PACS1: variants seen among roughly 807,000 people sequenced by gnomAD.
The protein encoded by PACS1 is phosphofurin acidic cluster sorting protein 1.
PACS1 carries 24 observed loss-of-function variants against 115.0 expected under a neutral mutation model. That is an observed-to-expected ratio of 0.21 (90% CI 0.15 to 0.29). The LOEUF (loss-of-function observed/expected upper bound fraction) is 0.29. Ranked by LOEUF, PACS1 falls within the 10% of genes least tolerant of loss-of-function variation. The pLI, the probability that PACS1 is intolerant of heterozygous loss-of-function variation, is 1.00. For synonymous variants in PACS1, 453 were observed against 504.5 expected (o/e 0.90, Z 1.37); for missense variants, 838 against 1,251.2 (o/e 0.67, Z 4.98).
chr11:66,185,459 A>G (rs1408275025), intron 1 of PACS1, among the ~76,000 whole-genome samples: 2 of 152,158 alleles, frequency 1.3e-5, no homozygotes, highest in Non-Finnish European at 2.9e-5. Flanking sequence ...GACCTTCCAA[A>G]GGTGGACTGG....
At chr11:66,242,064 T>C (rs1855826776) in intron 22 of PACS1, among the ~76,000 whole-genome samples, 1 of 152,188 alleles carries the variant, frequency 6.6e-6, no homozygotes, top group African/African-American at 2.4e-5. Context: ...AGAGGCCTCA[T>C]GAGCAAAAGG....
intron 4 of PACS1, among the ~76,000 whole-genome samples, chr11:66,213,808 C>T (rs10791860): frequency 0.19 from 28,754 of 151,896 alleles, 2,837 homozygotes; most frequent in East Asian, 0.27. Context: ...CTGTGGCAGG[C>T]GGATCACGAG....
At chr11:66,077,785 C>G (rs931840471) in intron 1 of PACS1, among the ~76,000 whole-genome samples, 1 of 150,464 alleles carries the variant, frequency 6.6e-6, no homozygotes, top group Non-Finnish European at 1.5e-5. Flanking sequence ...TCACGGAAAC[C>G]TCCGCCTCCG....
chr11:66,104,323 C>T (rs1857986570), intron 1 of PACS1, among the ~76,000 whole-genome samples: 1 of 152,132 alleles, frequency 6.6e-6, no homozygotes, highest in African/African-American at 2.4e-5. Flanking sequence ...CAGTTGAGGA[C>T]AGCACGTGTG....
At chr11:66,193,454 T>C (rs779353873) in intron 1 of PACS1, 32 bp from the exon 2 acceptor site, 2 of 1,476,944 alleles carry the variant, frequency 1.4e-6, no homozygotes, top group Non-Finnish European at 1.9e-6. Flanking sequence ...GTTCCTCGCA[T>C]ATGACAGCAT....
intron 1 of PACS1, among the ~76,000 whole-genome samples, chr11:66,122,802 G>A (rs1298919977): frequency 6.6e-6 from 1 of 152,216 alleles, no homozygotes; most frequent in Non-Finnish European, 1.5e-5. Flanking sequence ...AGCAGAGAAA[G>A]TGGTTTCTTG....
intron 1 of PACS1, among the ~76,000 whole-genome samples, chr11:66,172,551 G>A (rs1486218997): frequency 6.6e-6 from 1 of 152,146 alleles, no homozygotes; most frequent in Non-Finnish European, 1.5e-5. Flanking sequence ...GCAGCCACAC[G>A]GGCAGCAGAT....
intron 1 of PACS1, among the ~76,000 whole-genome samples, chr11:66,088,145 T>C (rs2134508844): frequency 6.6e-6 from 1 of 152,152 alleles, no homozygotes; most frequent in East Asian, 1.9e-4. Context: ...TCATACTCTG[T>C]GTGTTCCTTT....
intron 1 of PACS1, among the ~76,000 whole-genome samples, chr11:66,164,219 A>G (rs1484763417): frequency 1.3e-5 from 2 of 152,154 alleles, no homozygotes; most frequent in Non-Finnish European, 2.9e-5. Context: ...GCAGCTTTCG[A>G]ACTCTACAGA....
chr11:66,135,486 G>T (rs1461484885), intron 1 of PACS1, among the ~76,000 whole-genome samples: 2 of 152,120 alleles, frequency 1.3e-5, no homozygotes, highest in Non-Finnish European at 2.9e-5. Flanking sequence ...TAGAACTCAA[G>T]ATAAATGAAA....
At chr11:66,097,300 C>G (rs188261497) in intron 1 of PACS1, among the ~76,000 whole-genome samples, 7 of 152,236 alleles carry the variant, frequency 4.6e-5, no homozygotes, top group African/African-American at 1.7e-4. Context: ...TATTCCCAGT[C>G]AGATCGTAAT....
rs1480076959 is a variant in PACS1 at position 66,070,344 on chromosome 11, C to G, written c.-143C>G. 6 of 335,298 alleles carry G rather than the reference C, an allele frequency of 1.8e-5. No individual in the cohort carries two copies. In the East Asian group the frequency reaches 4.4e-4, roughly 25 times the overall value. 20.8% of individuals were successfully genotyped at this position (335,298 alleles called of 1,614,324 possible). ...GAGGCCCGCGCGCCCAGAGGCCCCG[C>G]GCGTGCGTGCAGCTCGCTGGCTGCT... is the stretch of plus-strand genomic sequence containing the variant. On this transcript the variant is annotated 5_prime_UTR_variant, in exon 1 of 24. Transcript: ENST00000320580. This position sits in a 1 kb window ranked among gnomAD's most constrained non-coding sequence, Gnocchi z 5.9.
At position 66,232,376 on chromosome 11, in the gene PACS1, G is replaced by A. The variant is rs1855615412; in HGVS notation, c.1731+100G>A. On this transcript the variant is annotated intron_variant, in intron 14 of 23. Transcript: ENST00000320580. Reference sequence around the variant, plus strand: ...TCCATACTATTGCGTGGGGAGGTGGGGAACTCACCCCTCCATCAGCCCCCA... The same window carrying A: ...TCCATACTATTGCGTGGGGAGGTGGAGAACTCACCCCTCCATCAGCCCCCA... 7.3e-6 allele frequency: 5 copies of A among 684,262 alleles called. No individual in the cohort carries two copies. The East Asian group carries it at 1.1e-4, about 15-fold the overall frequency. The allele number at this position is 684,262 out of a possible 1,614,324, so 42.4% of individuals were successfully genotyped here.
chr11:66,211,702 A>G (rs1377214428), intron 4 of PACS1, among the ~76,000 whole-genome samples: 1 of 152,198 alleles, frequency 6.6e-6, no homozygotes, highest in Non-Finnish European at 1.5e-5. Flanking sequence ...TTTCCTTAAC[A>G]TGAGAATACT....
chr11:66,104,781 AAAGT>A (rs1857997532), intron 1 of PACS1, among the ~76,000 whole-genome samples: 2 of 152,178 alleles, frequency 1.3e-5, no homozygotes, highest in Admixed American at 1.3e-4. Flanking sequence ...ATAGCCTGAG[AAAGT>A]AAGTCTAAGA....
At chr11:66,159,059 A>T (rs1859427713) in intron 1 of PACS1, among the ~76,000 whole-genome samples, 1 of 152,246 alleles carries the variant, frequency 6.6e-6, no homozygotes, top group South Asian at 2.1e-4. Flanking sequence ...GATGAATGCC[A>T]TCTAAAGCCT....
rs1451154143 is a variant in PACS1 at position 66,239,025 on chromosome 11, C to T, written c.2294-117C>T. The T allele has an allele frequency of 3.3e-6, 5 of 1,510,488 alleles. No homozygotes were observed. In the East Asian group the frequency reaches 9.2e-5, roughly 28 times the overall value. The allele number at this position is 1,510,488 out of a possible 1,614,324, so 93.6% of individuals were successfully genotyped here. On this transcript the variant is annotated intron_variant, in intron 20 of 23. Transcript: ENST00000320580. ...TGGTGGCTGGGGGAGGTGGAAGGAGCCTGGGGCCAAAGGAGGAAAGCAGGC... is the reference window on the plus strand; with the variant it reads ...TGGTGGCTGGGGGAGGTGGAAGGAGTCTGGGGCCAAAGGAGGAAAGCAGGC...
intron 1 of PACS1, among the ~76,000 whole-genome samples, chr11:66,128,501 T>C (rs866412802): frequency 6.6e-6 from 1 of 152,174 alleles, no homozygotes; most frequent in South Asian, 2.1e-4. Context: ...TTAAACATCG[T>C]TGAAGCTGGG....
intron 1 of PACS1, among the ~76,000 whole-genome samples, chr11:66,187,081 T>G (rs1458027314): frequency 6.6e-6 from 1 of 152,264 alleles, no homozygotes; most frequent in African/African-American, 2.4e-5. Context: ...TGGTCTTTTT[T>G]GTGTACTACA....
Sources: gnomAD v4.1 joint callset for allele counts (sites outside exome capture counted in the v4.1 genomes callset) on GRCh38, gnomAD v4.1.1 for gene constraint, Gnocchi (gnomAD v3.1) non-coding constraint, MANE v1.5 for transcripts, NCBI Gene and HGNC (gene_info 2026-07-23, HGNC 2026-07-21) for gene names.